The following AP3B1 variants were observed in gnomAD, a reference collection of about 807,000 sequenced individuals.
The protein encoded by AP3B1 is AP-3 complex subunit beta-1.
Under a neutral mutation model 132.5 loss-of-function variants are expected in AP3B1, and 61 were observed. That is an observed-to-expected ratio of 0.46 (90% CI 0.37 to 0.57). AP3B1 has a LOEUF of 0.57. Ranked by LOEUF, AP3B1 falls within the 20% of genes least tolerant of loss-of-function variation. The pLI is 0.00. For synonymous variants in AP3B1, 388 were observed against 438.3 expected (o/e 0.89, Z 1.43); for missense variants, 1,120 against 1,289.4 (o/e 0.87, Z 2.01).
chr5:78,146,062 A>G (rs1203446051), intron 14 of AP3B1, among the ~76,000 whole-genome samples: 8 of 152,176 alleles, frequency 5.3e-5, no homozygotes, highest in Non-Finnish European at 1.2e-4. Context: ...GGAGGACAGA[A>G]GTCTCATTTA....
intron 1 of AP3B1, among the ~76,000 whole-genome samples, chr5:78,273,313 G>A (rs956257206): frequency 3.3e-5 from 5 of 152,200 alleles, no homozygotes; most frequent in African/African-American, 4.8e-5. Flanking sequence ...CACGGTGGGA[G>A]AATCTTGAGC....
At chr5:78,009,083 AC>A (rs1218451714) in intron 26 of AP3B1, among the ~76,000 whole-genome samples, 2 of 152,188 alleles carry the variant, frequency 1.3e-5, no homozygotes, top group Non-Finnish European at 2.9e-5. Context: ...AATAATGTGT[AC>A]CAGTATTTCC....
chr5:78,070,722 CAA>C (rs60255463), intron 22 of AP3B1, among the ~76,000 whole-genome samples: 1 of 137,938 alleles, frequency 7.2e-6, no homozygotes. Flanking sequence ...AAGAAAAAAA[CAA>C]AAAAAAAAAC....
intron 23 of AP3B1, among the ~76,000 whole-genome samples, chr5:78,038,639 C>T (rs527433396): frequency 8.5e-5 from 13 of 152,196 alleles, no homozygotes; most frequent in African/African-American, 1.4e-4. Flanking sequence ...TCTCGAGATA[C>T]GAGAAGTATT....
intron 7 of AP3B1, among the ~76,000 whole-genome samples, chr5:78,193,740 T>TATATATATATCTATA (rs1561469382): frequency 7.2e-5 from 3 of 41,732 alleles, no homozygotes; most frequent in Admixed American, 3.5e-4. Context: ...TTGTATATAT[T>TATATATATATCTATA]TTTTTATATA....
At chr5:78,231,169 G>T (rs1746635371) in intron 3 of AP3B1, among the ~76,000 whole-genome samples, 3 of 151,870 alleles carry the variant, frequency 2.0e-5, no homozygotes, top group Admixed American at 2.0e-4. Context: ...AAGGTTTTTT[G>T]TTTGTTTGTT....
At chr5:78,100,173 G>A (rs1751069864) in intron 21 of AP3B1, among the ~76,000 whole-genome samples, 1 of 151,958 alleles carries the variant, frequency 6.6e-6, no homozygotes, top group Non-Finnish European at 1.5e-5. Flanking sequence ...CATGGCTACT[G>A]GGGACAGGGC....
chr5:78,276,617 T>G (rs952635583), intron 1 of AP3B1, among the ~76,000 whole-genome samples: 1 of 151,928 alleles, frequency 6.6e-6, no homozygotes, highest in Non-Finnish European at 1.5e-5. Flanking sequence ...CCTACAGTCC[T>G]AGTTACTCAA....
At chr5:78,124,824 T>C (rs1249564847) in intron 17 of AP3B1, among the ~76,000 whole-genome samples, 1 of 152,202 alleles carries the variant, frequency 6.6e-6, no homozygotes, top group Non-Finnish European at 1.5e-5. Flanking sequence ...CTCTGAGGTC[T>C]GATAAAACGT....
chr5:78,218,603 T>G (rs1328853801), intron 6 of AP3B1, among the ~76,000 whole-genome samples: 1 of 152,124 alleles, frequency 6.6e-6, no homozygotes. Context: ...CTATGCTAGT[T>G]GACAAGCTGG....
chr5:78,012,728 CAA>C (rs1241435876), intron 26 of AP3B1, among the ~76,000 whole-genome samples: 3 of 152,330 alleles, frequency 2.0e-5, no homozygotes, highest in Non-Finnish European at 2.9e-5. Context: ...AGAAAAGCCT[CAA>C]GACACTGTGG....
intron 2 of AP3B1, among the ~76,000 whole-genome samples, chr5:78,247,303 G>GATA (rs963854273): frequency 6.7e-6 from 1 of 148,422 alleles, no homozygotes. Context: ...TAATAATATA[G>GATA]ATAATAATAA....
intron 25 of AP3B1, among the ~76,000 whole-genome samples, chr5:78,019,440 C>T (rs1746999268): frequency 6.6e-6 from 1 of 152,124 alleles, no homozygotes; most frequent in African/African-American, 2.4e-5. Context: ...GTGCCAAAGC[C>T]TTATTCAGTC....
chr5:78,286,244 C>G (rs995583515), intron 1 of AP3B1, among the ~76,000 whole-genome samples: 1 of 152,178 alleles, frequency 6.6e-6, no homozygotes, highest in African/African-American at 2.4e-5. Context: ...GCTCTGCCAA[C>G]CTATGATTTT....
intron 13 of AP3B1, 144 bp downstream of exon 13, chr5:78,162,675 G>T: frequency 2.4e-6 from 2 of 818,790 alleles, no homozygotes; most frequent in Middle Eastern, 2.4e-4. Flanking sequence ...TGCATTCAAG[G>T]ATAAAATGCT....
intron 24 of AP3B1, among the ~76,000 whole-genome samples, chr5:78,021,716 C>A (rs1561357957): frequency 6.6e-6 from 1 of 152,158 alleles, no homozygotes; most frequent in Non-Finnish European, 1.5e-5. Flanking sequence ...CCAGATTCCT[C>A]TAGCTTTCCC....
intron 17 of AP3B1, among the ~76,000 whole-genome samples, chr5:78,122,435 T>TC (rs1752253202): frequency 6.6e-6 from 1 of 152,226 alleles, no homozygotes; most frequent in Admixed American, 6.5e-5. Flanking sequence ...CATGATTGTT[T>TC]ATCTAGAAAA....
intron 14 of AP3B1, among the ~76,000 whole-genome samples, chr5:78,153,590 T>C (rs1014367443): frequency 1.3e-5 from 2 of 152,190 alleles, no homozygotes; most frequent in African/African-American, 4.8e-5. Flanking sequence ...CCTGCCATTT[T>C]GTTATTTGTT....
intron 14 of AP3B1, among the ~76,000 whole-genome samples, chr5:78,154,641 TTC>T (rs1320840323): frequency 1.3e-5 from 2 of 152,196 alleles, no homozygotes; most frequent in African/African-American, 4.8e-5. Context: ...TTCTTTTATA[TTC>T]TTTTTTCTTT....
Sources: allele counts gnomAD v4.1 joint callset (sites outside exome capture counted in the v4.1 genomes callset), GRCh38; gene constraint gnomAD v4.1.1; transcripts MANE v1.5; gene names NCBI Gene and HGNC (gene_info 2026-07-23, HGNC 2026-07-21).